PDE4D: variants seen among roughly 807,000 people sequenced by gnomAD.
PDE4D encodes 3',5'-cyclic-AMP phosphodiesterase 4D.
PDE4D carries 24 observed loss-of-function variants against 87.4 expected under a neutral mutation model. The ratio of observed to expected loss-of-function variants is 0.27; its 90% CI spans 0.20 to 0.39. PDE4D has a LOEUF of 0.39. PDE4D is among the 10% of genes least tolerant of loss of function. The pLI, the probability that PDE4D is intolerant of heterozygous loss-of-function variation, is 1.00. For missense variants in PDE4D, 714 were observed against 1,041.0 expected, an observed-to-expected ratio of 0.69 and a Z score of 4.32; for synonymous variants, 384 against 383.2, an observed-to-expected ratio of 1.00 and a Z score of -0.02.
intron 1 of PDE4D, among the ~76,000 whole-genome samples, chr5:60,509,917 T>G (rs1750496444): frequency 6.6e-6 from 1 of 152,036 alleles, no homozygotes; most frequent in African/African-American, 2.4e-5. Flanking sequence ...GAAAGGGAAT[T>G]AATCGGGTCA....
chr5:59,919,330 T>C (rs1424671230), intron 3 of PDE4D, among the ~76,000 whole-genome samples: 1 of 152,134 alleles, frequency 6.6e-6, no homozygotes, highest in Non-Finnish European at 1.5e-5. Context: ...TATTATTCAG[T>C]TTTCACCTTC....
intron 1 of PDE4D, among the ~76,000 whole-genome samples, chr5:59,611,004 T>C (rs1023547048): frequency 8.5e-5 from 13 of 152,162 alleles, no homozygotes; most frequent in Admixed American, 8.5e-4. Flanking sequence ...AGGATTCACA[T>C]ACAAATCTTA....
chr5:60,214,353 C>T (rs1743598113), intron 1 of PDE4D, among the ~76,000 whole-genome samples: 2 of 152,178 alleles, frequency 1.3e-5, no homozygotes, highest in South Asian at 4.1e-4. Context: ...GATACTTTGA[C>T]AATCTTTCTC....
At position 60,119,493 on chromosome 5, in the gene PDE4D, T is replaced by C. The variant is rs1365253457; in HGVS notation, c.42+66064A>G. ...CCTTACAGGCTTTCACCTTGTTGGATTGCATGATGTTTGGAAAATGGTTGT... is the reference window on the plus strand; with the variant it reads ...CCTTACAGGCTTTCACCTTGTTGGACTGCATGATGTTTGGAAAATGGTTGT... On this transcript the variant is annotated intron_variant, in intron 2 of 16. Transcript: ENST00000502484. 2.6e-5 allele frequency among the ~76,000 whole-genome samples: 4 copies of C among 152,346 alleles called. No individual in the cohort carries two copies. The East Asian group carries it at 5.8e-4, about 22-fold the overall frequency.
chr5:59,701,811 T>C (rs1433428702), intron 1 of PDE4D, among the ~76,000 whole-genome samples: 2 of 152,226 alleles, frequency 1.3e-5, no homozygotes, highest in African/African-American at 4.8e-5. Flanking sequence ...CTATGTGTTC[T>C]TGGATCCCTT....
At chr5:60,185,544 A>G (rs1281857568) in intron 2 of PDE4D, 1 of 1,517,600 alleles carries the variant, frequency 6.6e-7, no homozygotes, top group Admixed American at 2.0e-5. Flanking sequence ...AGATGAAAAC[A>G]AAAGTTACTT....
chr5:59,574,137 TATATATAA>T (rs1210831441), intron 1 of PDE4D, among the ~76,000 whole-genome samples: 10 of 3,642 alleles, frequency 2.7e-3, no homozygotes, highest in East Asian at 0.011. Context: ...TTTATATATA[TATATATAA>T]ATATATATTT....
chr5:59,088,207 T>C (rs1768055252), intron 5 of PDE4D, among the ~76,000 whole-genome samples: 1 of 152,198 alleles, frequency 6.6e-6, no homozygotes, highest in African/African-American at 2.4e-5. Context: ...TCATAAAACA[T>C]CATCCTTGCC....
chr5:59,498,565 C>T (rs1807649431), intron 1 of PDE4D, among the ~76,000 whole-genome samples: 1 of 151,294 alleles, frequency 6.6e-6, no homozygotes, highest in South Asian at 2.1e-4. Context: ...GGCTAGGCTG[C>T]AAGTAAATGG....
At chr5:59,224,409 G>C (rs1753285653) in intron 1 of PDE4D, among the ~76,000 whole-genome samples, 1 of 151,856 alleles carries the variant, frequency 6.6e-6, no homozygotes, top group Non-Finnish European at 1.5e-5. Context: ...TATGTTTCTG[G>C]CTTGTCAGTG....
At chr5:59,772,570 T>G (rs1324746155) in intron 1 of PDE4D, among the ~76,000 whole-genome samples, 1 of 152,200 alleles carries the variant, frequency 6.6e-6, no homozygotes, top group East Asian at 1.9e-4. Flanking sequence ...AGATGAGATT[T>G]TCACAGGTTC....
intron 2 of PDE4D, among the ~76,000 whole-genome samples, chr5:60,159,153 A>G (rs1458155483): frequency 6.6e-6 from 1 of 152,176 alleles, no homozygotes; most frequent in East Asian, 1.9e-4. Flanking sequence ...ACACAGGATA[A>G]GGATCATCAA....
intron 2 of PDE4D, among the ~76,000 whole-genome samples, chr5:60,097,845 T>C (rs1775829797): frequency 6.6e-6 from 1 of 151,936 alleles, no homozygotes; most frequent in South Asian, 2.1e-4. Flanking sequence ...GTTTACAGAA[T>C]CTTCAGACCC....
intron 2 of PDE4D, among the ~76,000 whole-genome samples, chr5:60,168,517 G>C (rs573606980): frequency 6.6e-6 from 1 of 152,110 alleles, no homozygotes; most frequent in Non-Finnish European, 1.5e-5. Context: ...TAGGTAGGCC[G>C]CATAGCCACA....
intron 1 of PDE4D, among the ~76,000 whole-genome samples, chr5:59,890,304 T>TGAAA (rs1344760734): frequency 2.0e-5 from 3 of 151,564 alleles, no homozygotes; most frequent in Non-Finnish European, 2.9e-5. Flanking sequence ...CACCTTTTCT[T>TGAAA]GTTTGCTTTT....
At chr5:59,521,334 G>A (rs1226344173) in intron 1 of PDE4D, among the ~76,000 whole-genome samples, 2 of 152,178 alleles carry the variant, frequency 1.3e-5, no homozygotes, top group African/African-American at 4.8e-5. Context: ...AGTCAGGTCA[G>A]AGTAAAAATA....
intron 1 of PDE4D, among the ~76,000 whole-genome samples, chr5:59,257,170 T>C (rs2153533077): frequency 6.6e-6 from 1 of 152,232 alleles, no homozygotes; most frequent in Admixed American, 6.6e-5. Context: ...TTTGCTGTTT[T>C]GTGACCAAAA....
At position 60,130,402 on chromosome 5, in the gene PDE4D, T is replaced by C. The variant is rs1374832330; in HGVS notation, c.42+55155A>G. Among the ~76,000 whole-genome samples the C allele has an allele frequency of 2.6e-5, 4 of 152,292 alleles. No homozygotes were observed. The South Asian group carries it at 6.2e-4, about 24-fold the overall frequency. On this transcript the variant is annotated intron_variant, in intron 2 of 16. Coordinates refer to the PDE4D transcript ENST00000502484. ...CAAGTTCAAAGGACATATTTTTTCA[T>C]GTGAGATGCCCAATCTGTCTCCATG...
chr5:59,272,632 C>A (rs1764038283), intron 1 of PDE4D, among the ~76,000 whole-genome samples: 1 of 152,086 alleles, frequency 6.6e-6, no homozygotes, highest in African/African-American at 2.4e-5. Context: ...CTAGTATACA[C>A]CTTTATTAAA....
Sources: gnomAD v4.1 joint callset for allele counts (sites outside exome capture counted in the v4.1 genomes callset) on GRCh38, gnomAD v4.1.1 for gene constraint, MANE v1.5 for transcripts, NCBI Gene and HGNC (gene_info 2026-07-23, HGNC 2026-07-21) for gene names.